PSD3: variants seen among roughly 807,000 people sequenced by gnomAD.
PSD3 encodes PH and SEC7 domain-containing protein 3.
In PSD3, 49 loss-of-function variants were observed where a neutral mutation model predicts 105.5. The observed-to-expected ratio is 0.46, with a 90% CI of 0.37 to 0.59. The LOEUF (loss-of-function observed/expected upper bound fraction) is 0.59. Ranked by LOEUF, PSD3 falls within the 20% of genes least tolerant of loss-of-function variation. The pLI, the probability that PSD3 is intolerant of heterozygous loss-of-function variation, is 0.00. For missense variants in PSD3, 1,561 were observed against 1,263.8 expected, an observed-to-expected ratio of 1.24 and a Z score of -3.57; for synonymous variants, 557 against 457.8, an observed-to-expected ratio of 1.22 and a Z score of -2.77.
chr8:18,840,958 C>T (rs144899691), intron 4 of PSD3, among the ~76,000 whole-genome samples: 208 of 152,290 alleles, frequency 1.4e-3, no homozygotes, highest in African/African-American at 4.9e-3. Context: ...TAGATGAATG[C>T]ACCTTGCCCC....
chr8:19,056,915 T>A (rs113409223), intron 1 of PSD3, among the ~76,000 whole-genome samples: 5,104 of 152,286 alleles, frequency 0.034, 139 homozygotes, highest in Non-Finnish European at 0.051. Flanking sequence ...TCTCCCAAGC[T>A]GTGGGTGATG....
chr8:18,955,191 G>C (rs1214546468), intron 1 of PSD3, among the ~76,000 whole-genome samples: 1 of 152,154 alleles, frequency 6.6e-6, no homozygotes, highest in Non-Finnish European at 1.5e-5. Flanking sequence ...CCTTCATTCT[G>C]GAATCTATCT....
At chr8:18,591,358 A>G (rs1054786161) in intron 12 of PSD3, among the ~76,000 whole-genome samples, 5 of 152,160 alleles carry the variant, frequency 3.3e-5, no homozygotes, top group Admixed American at 6.5e-5. Context: ...GGGAACTGCA[A>G]TAGTGTGGAT....
intron 1 of PSD3, among the ~76,000 whole-genome samples, chr8:19,067,649 G>A (rs7843518): frequency 0.36 from 54,853 of 152,030 alleles, 11,053 homozygotes; most frequent in East Asian, 0.6. Context: ...AGCAAGGGGT[G>A]TCACTCAAGG....
chr8:18,575,879 T>C (rs1251233943), intron 12 of PSD3, among the ~76,000 whole-genome samples: 1 of 150,216 alleles, frequency 6.7e-6, no homozygotes, highest in African/African-American at 2.5e-5. Flanking sequence ...AAAGCTTAGC[T>C]TGTTATCAAA....
At chr8:18,636,957 T>G (rs1328674899) in intron 10 of PSD3, among the ~76,000 whole-genome samples, 1 of 152,192 alleles carries the variant, frequency 6.6e-6, no homozygotes, top group Non-Finnish European at 1.5e-5. Context: ...TGTGTATCCA[T>G]CCAACCATCC....
intron 1 of PSD3, among the ~76,000 whole-genome samples, chr8:18,980,678 C>A (rs1323523080): frequency 2.0e-5 from 3 of 152,086 alleles, no homozygotes; most frequent in African/African-American, 7.2e-5. Flanking sequence ...CACACACGCT[C>A]AAGTTTAGAT....
chr8:18,704,370 C>T (rs908118847), intron 9 of PSD3, among the ~76,000 whole-genome samples: 1 of 152,158 alleles, frequency 6.6e-6, no homozygotes, highest in African/African-American at 2.4e-5. Flanking sequence ...GAGACAGAGT[C>T]TCTGTCGCAC....
chr8:18,800,330 G>A lies in PSD3; in HGVS notation c.2023+940C>T, dbSNP rs571560816. Reference sequence around the variant, plus strand: ...CTGGTCTGAATAGCATCAGTTTACCGATAGGAATGTGACCTTAATCAGGTG... The same window carrying A: ...CTGGTCTGAATAGCATCAGTTTACCAATAGGAATGTGACCTTAATCAGGTG... On this transcript the variant is annotated intron_variant, in intron 7 of 15. Transcript: ENST00000327040. 5.9e-5 allele frequency among the ~76,000 whole-genome samples: 9 copies of A among 152,312 alleles called. No homozygotes were observed. In the South Asian group the frequency reaches 1.2e-3, roughly 21 times the overall value.
At chr8:18,981,717 T>C (rs1313282587) in intron 1 of PSD3, among the ~76,000 whole-genome samples, 1 of 152,318 alleles carries the variant, frequency 6.6e-6, no homozygotes, top group African/African-American at 2.4e-5. Context: ...GTCTATTAAC[T>C]GTGGAAGAGC....
intron 1 of PSD3, among the ~76,000 whole-genome samples, chr8:18,963,446 T>C (rs1025726529): frequency 2.6e-5 from 4 of 152,228 alleles, no homozygotes; most frequent in African/African-American, 9.6e-5. Context: ...CACTCAAGAA[T>C]CTTAGCATTT....
intron 2 of PSD3, among the ~76,000 whole-genome samples, chr8:18,895,792 CT>C (rs1819109480): frequency 6.6e-6 from 1 of 152,160 alleles, no homozygotes; most frequent in South Asian, 2.1e-4. Context: ...TTTATCATTT[CT>C]TTGTGTTGAA....
At chr8:19,070,648 A>G (rs549155530) in intron 1 of PSD3, among the ~76,000 whole-genome samples, 6 of 152,212 alleles carry the variant, frequency 3.9e-5, no homozygotes, top group Non-Finnish European at 5.9e-5. Context: ...ACTGCACTGT[A>G]GCATGGGAGA....
At chr8:18,802,283 A>G (rs769925391) in intron 6 of PSD3, 2 of 359,226 alleles carry the variant, frequency 5.6e-6, no homozygotes, top group Non-Finnish European at 1.1e-5. Context: ...ATCTACTCGG[A>G]GTCACTAAGA....
At chr8:18,718,919 A>G (rs2129425471) in intron 9 of PSD3, among the ~76,000 whole-genome samples, 2 of 152,354 alleles carry the variant, frequency 1.3e-5, no homozygotes, top group South Asian at 4.1e-4. Context: ...AACATTCAAA[A>G]AAAGACATCA....
intron 10 of PSD3, among the ~76,000 whole-genome samples, chr8:18,647,399 T>C (rs938050111): frequency 2.6e-5 from 4 of 152,174 alleles, no homozygotes; most frequent in African/African-American, 9.7e-5. Flanking sequence ...ACAGCAAATG[T>C]TTTAAACTGT....
chr8:18,914,269 A>C (rs374726253), intron 2 of PSD3, among the ~76,000 whole-genome samples: 58 of 152,098 alleles, frequency 3.8e-4, no homozygotes, highest in African/African-American at 1.3e-3. Flanking sequence ...TAAAGACCCT[A>C]TGTGACAAGC....
At chr8:18,688,061 G>A (rs1002768717) in intron 9 of PSD3, among the ~76,000 whole-genome samples, 4 of 151,932 alleles carry the variant, frequency 2.6e-5, no homozygotes, top group Admixed American at 1.3e-4. Flanking sequence ...GAGCCACTAC[G>A]CTTGGTCTAT....
In PSD3 at chr8:18,867,752, C is replaced by T; in HGVS notation, c.1556G>A (p.Ser519Asn). 1 of 1,614,114 alleles carries T rather than the reference C, an allele frequency of 6.2e-7. No homozygotes were observed. Among genetic ancestry groups the T allele is most frequent in the Non-Finnish European group, 8.5e-7 (1 of 1,180,004 alleles). ...ADGGIVMGYS[S>N]GVTNGLNDAS... The stretch of plus-strand genomic sequence containing the variant: ...ATCATTCAGCCCATTGGTGACGCCA[C>T]TAGAATAGCCCATCACGATGCCACC... Residue 519 changes from serine (S) to asparagine (N), a missense_variant, in exon 4 of 16, where the codon AGT (serine) becomes AAT (asparagine). Transcript: ENST00000327040.
Sources: gnomAD v4.1 joint callset for allele counts (sites outside exome capture counted in the v4.1 genomes callset) on GRCh38, gnomAD v4.1.1 for gene constraint, MANE v1.5 for transcripts, NCBI Gene and HGNC (gene_info 2026-07-23, HGNC 2026-07-21) for gene names.